The following SMYD4 variants were observed in gnomAD, a reference collection of about 807,000 sequenced individuals.
The protein encoded by SMYD4 is protein-lysine N-methyltransferase SMYD4.
SMYD4 carries 68 observed loss-of-function variants against 72.8 expected under a neutral mutation model. That is an observed-to-expected ratio of 0.93 (90% confidence interval 0.77 to 1.14). SMYD4 has a LOEUF of 1.14. Among genes scored for constraint, SMYD4 ranks in the 50% most tolerant of loss-of-function variants. The pLI, the probability that SMYD4 is intolerant of heterozygous loss-of-function variation, is 0.00. For missense variants in SMYD4, 984 were observed against 1,003.7 expected (o/e 0.98, Z 0.27); for synonymous variants, 407 against 388.6 (o/e 1.05, Z -0.56).
chr17:1,817,155 A>G (rs1449396425), intron 2 of SMYD4, among the ~76,000 whole-genome samples: 1 of 150,886 alleles, frequency 6.6e-6, no homozygotes, highest in Non-Finnish European at 1.5e-5. Flanking sequence ...CTCCTGCCTC[A>G]GCCTCCCGAG....
chr17:1,806,355 A>G (rs1316512868), intron 3 of SMYD4, among the ~76,000 whole-genome samples: 1 of 152,212 alleles, frequency 6.6e-6, no homozygotes, highest in Non-Finnish European at 1.5e-5. Context: ...TCTTCACACC[A>G]AAAACCAATA....
chr17:1,810,846 C>T (rs549851474), intron 3 of SMYD4, among the ~76,000 whole-genome samples: 4 of 152,336 alleles, frequency 2.6e-5, no homozygotes, highest in South Asian at 2.1e-4. Context: ...CAGAAGGACA[C>T]GGACTTTGGC....
intron 3 of SMYD4, among the ~76,000 whole-genome samples, chr17:1,808,305 T>TGGAAAATTTAATAACATG (rs1442121137): frequency 6.6e-6 from 1 of 152,160 alleles, no homozygotes; most frequent in Non-Finnish European, 1.5e-5. Context: ...CATGTTCCAG[T>TGGAAAATTTAATAACATG]GGAAAATTTA....
At chr17:1,811,923 T>C in intron 3 of SMYD4, 48 bp downstream of exon 3, 1 of 1,597,958 alleles carries the variant, frequency 6.3e-7, no homozygotes, top group South Asian at 1.1e-5. Flanking sequence ...CAAGATTCTG[T>C]CTCAGAGAAA....
chr17:1,787,386 A>G, intron 6 of SMYD4, 36 bp downstream of exon 6: 4 of 1,550,026 alleles, frequency 2.6e-6, no homozygotes, highest in Non-Finnish European at 3.5e-6. Context: ...TTTCTGTTGG[A>G]GAAGGGCAGG....
At chr17:1,829,345 C>T (rs1003282998) in intron 1 of SMYD4, 2 of 152,338 alleles carry the variant, frequency 1.3e-5, no homozygotes, top group Non-Finnish European at 2.9e-5. Context: ...CGGACCAACC[C>T]TACCCTGGCT....
intron 2 of SMYD4, among the ~76,000 whole-genome samples, chr17:1,825,246 G>C (rs538190098): frequency 6.6e-6 from 1 of 152,144 alleles, no homozygotes; most frequent in South Asian, 2.1e-4. Context: ...AAAAAAGTGA[G>C]AATATTCCTT....
At chr17:1,795,310 C>T (rs772299442) in intron 5 of SMYD4, among the ~76,000 whole-genome samples, 5 of 151,934 alleles carry the variant, frequency 3.3e-5, no homozygotes, top group South Asian at 4.2e-4. Context: ...CTTGCTCTGT[C>T]GCCCTGGCTA....
chr17:1,811,132 C>G (rs1331238094), intron 3 of SMYD4, among the ~76,000 whole-genome samples: 2 of 152,222 alleles, frequency 1.3e-5, no homozygotes, highest in African/African-American at 4.8e-5. Context: ...CTGTAACACA[C>G]GCCCACTGGG....
At chr17:1,804,013 C>A (rs2151238116) in intron 4 of SMYD4, among the ~76,000 whole-genome samples, 1 of 151,220 alleles carries the variant, frequency 6.6e-6, no homozygotes, top group South Asian at 2.1e-4. Context: ...GTAGCTGGGA[C>A]TACAGGTGCC....
At chr17:1,815,788 C>T (rs1215395277) in intron 2 of SMYD4, among the ~76,000 whole-genome samples, 1 of 151,234 alleles carries the variant, frequency 6.6e-6, no homozygotes, top group Non-Finnish European at 1.5e-5. Context: ...CAATCTCCGC[C>T]TCCCGGGTTC....
At chr17:1,816,353 C>T (rs1910589718) in intron 2 of SMYD4, among the ~76,000 whole-genome samples, 1 of 151,864 alleles carries the variant, frequency 6.6e-6, no homozygotes. Context: ...GGCGCGGTGG[C>T]TCACGCCTGT....
At chr17:1,804,842 G>T in intron 3 of SMYD4, 127 bp from the exon 4 acceptor site, 1 of 841,228 alleles carries the variant, frequency 1.2e-6, no homozygotes, top group Non-Finnish European at 1.9e-6. Context: ...ACCTCTTTGT[G>T]CTTCAGCTTA....
rs533181451 is a variant in SMYD4 at position 1,787,269 on chromosome 17, C to T, written c.1720+153G>A. Among the ~76,000 whole-genome samples the T allele has an allele frequency of 6.6e-5, 10 of 152,352 alleles. No homozygotes were observed. The East Asian group carries it at 1.9e-3, about 29-fold the overall frequency. On this transcript the variant is annotated intron_variant, in intron 6 of 10. Coordinates refer to ENST00000305513, the MANE Select transcript of SMYD4 (RefSeq NM_052928.3). ...TAGCACGAAGGCCATTCCTTCCATC[C>T]TCCCTTCCTTGTTTTTGGCCTAAGT...
chr17:1,806,983 C>T lies in SMYD4; in HGVS notation c.280-2268G>A, dbSNP rs143210202. 1.8e-4 allele frequency among the ~76,000 whole-genome samples: 27 copies of T among 151,936 alleles called. No individual in the cohort carries two copies. In the South Asian group the frequency reaches 3.3e-3, roughly 19 times the overall value. On this transcript the variant is annotated intron_variant, in intron 3 of 10. Transcript: ENST00000305513. Reference sequence around the variant, plus strand: ...TCAGCTCACTGCAACCTCCGCCTCCCGGGTTCAAGCGATTCTCCAGCCTCA... The same window carrying T: ...TCAGCTCACTGCAACCTCCGCCTCCTGGGTTCAAGCGATTCTCCAGCCTCA...
At chr17:1,808,686 A>AT (rs1210263410) in intron 3 of SMYD4, among the ~76,000 whole-genome samples, 1 of 152,044 alleles carries the variant, frequency 6.6e-6, no homozygotes, top group East Asian at 1.9e-4. Flanking sequence ...GCAAACCTTA[A>AT]TTTTTTCTCT....
intron 7 of SMYD4, among the ~76,000 whole-genome samples, chr17:1,785,151 G>A (rs1423212117): frequency 1.3e-5 from 2 of 149,838 alleles, no homozygotes; most frequent in Admixed American, 6.6e-5. Flanking sequence ...GGCCAGGTGC[G>A]GTGGCTCACG....
chr17:1,823,705 T>C (rs1354984337), intron 2 of SMYD4, among the ~76,000 whole-genome samples: 2 of 152,150 alleles, frequency 1.3e-5, no homozygotes, highest in African/African-American at 4.8e-5. Context: ...CAGAGGAGTC[T>C]CATACCTCTG....
At position 1,800,608 on chromosome 17, in the gene SMYD4, C is replaced by T; in HGVS notation, c.786G>A (p.Glu262=). The change falls in exon 5 of 11, where the codon GAG becomes GAA. Residue 262 remains glutamate, a synonymous_variant. Transcript: ENST00000305513. ...DILPGELLVQ[E]DAFVSVLNPG... ...GGTTGAGAACACTCACAAAAGCATC[C>T]TCCTGCACCAGGAGCTCTCCTGGGA... 2 of 1,614,110 alleles carry T rather than the reference C, an allele frequency of 1.2e-6. No homozygotes were observed. The highest frequency in any genetic ancestry group is 8.5e-7 in the Non-Finnish European group (1 of 1,179,976).
Sources: allele counts gnomAD v4.1 joint callset (sites outside exome capture counted in the v4.1 genomes callset), GRCh38; gene constraint gnomAD v4.1.1; transcripts MANE v1.5; gene names NCBI Gene and HGNC (gene_info 2026-07-23, HGNC 2026-07-21).